Variants in KHDRBS2 observed in about 807,000 individuals in gnomAD.
The protein encoded by KHDRBS2 is KH RNA binding domain containing, signal transduction associated 2, also known as KH domain-containing, RNA-binding, signal transduction-associated protein 2.
KHDRBS2 carries 26 observed loss-of-function variants against 44.3 expected under a neutral mutation model. That is an observed-to-expected ratio of 0.59 (90% CI 0.43 to 0.81). KHDRBS2 has a LOEUF of 0.81. Ranked by LOEUF, KHDRBS2 falls within the 40% of genes least tolerant of loss-of-function variation. The pLI, the probability that KHDRBS2 is intolerant of heterozygous loss-of-function variation, is 0.00. For missense variants in KHDRBS2, 476 were observed against 433.1 expected (o/e 1.10, Z -0.88); for synonymous variants, 194 against 151.1 (o/e 1.28, Z -2.08).
At chr6:61,681,306 C>A (rs1216341636) in intron 8 of KHDRBS2, among the ~76,000 whole-genome samples, 7 of 151,750 alleles carry the variant, frequency 4.6e-5, no homozygotes, top group Non-Finnish European at 8.8e-5. Flanking sequence ...TAAACCCCTG[C>A]CCATAAAATC....
At chr6:62,040,499 T>C (rs1786238903) in intron 3 of KHDRBS2, among the ~76,000 whole-genome samples, 1 of 152,092 alleles carries the variant, frequency 6.6e-6, no homozygotes, top group Admixed American at 6.6e-5. Flanking sequence ...CTTGCATCTC[T>C]GCTCCAGGAT....
chr6:61,710,576 T>C (rs1770330811), intron 7 of KHDRBS2, among the ~76,000 whole-genome samples: 1 of 151,454 alleles, frequency 6.6e-6, no homozygotes, highest in African/African-American at 2.4e-5. Context: ...AGTTTTTTTA[T>C]GACTCTATGT....
chr6:61,927,493 G>A (rs1394258386), intron 4 of KHDRBS2, among the ~76,000 whole-genome samples: 1 of 152,064 alleles, frequency 6.6e-6, no homozygotes, highest in Non-Finnish European at 1.5e-5. Flanking sequence ...TGTTGTTATA[G>A]AAACCTTTTA....
intron 6 of KHDRBS2, among the ~76,000 whole-genome samples, chr6:61,805,800 C>T (rs1268488661): frequency 6.6e-6 from 1 of 152,198 alleles, no homozygotes; most frequent in African/African-American, 2.4e-5. Context: ...CTAATCACCT[C>T]CTATGAGGTC....
chr6:62,266,862 T>A (rs1053767006), intron 1 of KHDRBS2, among the ~76,000 whole-genome samples: 2 of 152,064 alleles, frequency 1.3e-5, no homozygotes, highest in Non-Finnish European at 2.9e-5. Flanking sequence ...TAGTGTACAA[T>A]ATACAGATGT....
intron 6 of KHDRBS2, among the ~76,000 whole-genome samples, chr6:61,821,920 G>A (rs978096459): frequency 6.6e-6 from 1 of 151,916 alleles, no homozygotes; most frequent in Admixed American, 6.6e-5. Context: ...AGATAAAAAT[G>A]TCTTCATTTA....
chr6:61,804,021 C>T (rs1786721394), intron 6 of KHDRBS2, among the ~76,000 whole-genome samples: 1 of 152,076 alleles, frequency 6.6e-6, no homozygotes, highest in African/African-American at 2.4e-5. Flanking sequence ...TTTCCAAATA[C>T]AATTATGCCT....
In KHDRBS2 at chr6:62,173,196, GA is replaced by G. The variant is rs888509563; in HGVS notation, c.219+3988del. On this transcript the variant is annotated intron_variant, in intron 2 of 8. Coordinates refer to ENST00000281156, the MANE Select transcript of KHDRBS2 (RefSeq NM_152688.4). Reference sequence around the variant, plus strand: ...ATAAACCACTAGCTAGACTAATAAAGAAAAAAAAAAAAGAGATGATCCAAGT... The same window carrying G: ...ATAAACCACTAGCTAGACTAATAAAGAAAAAAAAAAAGAGATGATCCAAGT... 1.7e-3 allele frequency among the ~76,000 whole-genome samples: 209 copies of G among 123,390 alleles called. 1 individual carries two copies. Among genetic ancestry groups the G allele is most frequent in the African/African-American group, 1.2e-3 (39 of 33,834 alleles). The allele number at this position is 123,390 out of a possible 152,430, so 80.9% of individuals were successfully genotyped here.
chr6:62,054,484 T>C (rs9346008), intron 2 of KHDRBS2, among the ~76,000 whole-genome samples: 120,594 of 151,970 alleles, frequency 0.79, 48,897 homozygotes, highest in Non-Finnish European at 0.87. Flanking sequence ...AATATGTTAC[T>C]CTACATAAGA....
the KHDRBS2 span, among the ~76,000 whole-genome samples, chr6:61,627,969 G>A: frequency 6.6e-6 from 1 of 152,128 alleles, no homozygotes; most frequent in Non-Finnish European, 1.5e-5. Flanking sequence ...AGTCTCAAGT[G>A]AGGGTAGTCT....
chr6:61,867,041 C>T lies in KHDRBS2; in HGVS notation c.810+27594G>A, dbSNP rs777606857. Among the ~76,000 whole-genome samples the T allele has an allele frequency of 1.5e-3, 233 of 152,312 alleles. 8 individuals carry two copies. The highest frequency in any genetic ancestry group is 3.4e-3 in the Middle Eastern group (1 of 294). On this transcript the variant is annotated intron_variant, in intron 6 of 8. Coordinates refer to ENST00000281156, the MANE Select transcript of KHDRBS2 (RefSeq NM_152688.4). ...TCCAACCACTGCCTGTTACCCAGTT[C>T]CAAAGTCACTTCCACATTTTCAGGT...
chr6:61,710,438 A>C (rs1374062825), intron 7 of KHDRBS2, among the ~76,000 whole-genome samples: 2 of 151,556 alleles, frequency 1.3e-5, no homozygotes, highest in African/African-American at 2.4e-5. Context: ...TCAGACTGTG[A>C]GTGATTATTC....
intron 1 of KHDRBS2, among the ~76,000 whole-genome samples, chr6:62,247,981 A>G (rs1364114592): frequency 6.6e-6 from 1 of 152,134 alleles, no homozygotes; most frequent in Admixed American, 6.6e-5. Flanking sequence ...ATAGTAGTCG[A>G]AAACAAGTAG....
chr6:62,030,719 T>G (rs1410794693), intron 3 of KHDRBS2, among the ~76,000 whole-genome samples: 9 of 152,090 alleles, frequency 5.9e-5, no homozygotes, highest in Non-Finnish European at 1.3e-4. Flanking sequence ...CATAGTCTTG[T>G]GATAAATACA....
At chr6:62,207,764 C>T (rs1828259908) in intron 1 of KHDRBS2, among the ~76,000 whole-genome samples, 1 of 151,984 alleles carries the variant, frequency 6.6e-6, no homozygotes, top group South Asian at 2.1e-4. Flanking sequence ...TAAAACGATA[C>T]TGGATTTTTT....
Position 61,919,105 on chromosome 6 carries a change from T to C in KHDRBS2, c.484-17734A>G, listed in dbSNP as rs557811304. On this transcript the variant is annotated intron_variant, in intron 4 of 8. Coordinates refer to ENST00000281156, the MANE Select transcript of KHDRBS2 (RefSeq NM_152688.4). ...GGTAACCACATACCATCCTCATACATGTTCATTTACATTTATGTGTGTCTA... is the reference window on the plus strand; with the variant it reads ...GGTAACCACATACCATCCTCATACACGTTCATTTACATTTATGTGTGTCTA... Among the ~76,000 whole-genome samples the C allele has an allele frequency of 2.0e-5, 3 of 152,108 alleles. No individual in the cohort carries two copies. In the South Asian group the frequency reaches 6.2e-4, roughly 32 times the overall value.
intron 2 of KHDRBS2, among the ~76,000 whole-genome samples, chr6:62,172,525 C>T (rs1237124560): frequency 6.6e-6 from 1 of 151,828 alleles, no homozygotes; most frequent in East Asian, 1.9e-4. Context: ...GACAGATCAT[C>T]GTGGCAGAAA....
chr6:62,060,631 C>A (rs1698834), intron 2 of KHDRBS2, among the ~76,000 whole-genome samples: 28,011 of 146,708 alleles, frequency 0.19, 2,726 homozygotes, highest in East Asian at 0.31. Context: ...CTCTCTCTCT[C>A]TCTATATATA....
chr6:61,697,472 T>C (rs1768035666), intron 7 of KHDRBS2, among the ~76,000 whole-genome samples: 1 of 152,078 alleles, frequency 6.6e-6, no homozygotes, highest in Non-Finnish European at 1.5e-5. Flanking sequence ...TCTTTCTCTC[T>C]ATCCACCAAT....
Sources: allele counts gnomAD v4.1 joint callset (sites outside exome capture counted in the v4.1 genomes callset), GRCh38; gene constraint gnomAD v4.1.1; transcripts MANE v1.5; gene names NCBI Gene and HGNC (gene_info 2026-07-23, HGNC 2026-07-21).